The following PCCB variants were observed in gnomAD, a reference collection of about 807,000 sequenced individuals.
PCCB encodes propionyl-CoA carboxylase subunit beta.
PCCB carries 43 observed loss-of-function variants against 60.7 expected under a neutral mutation model. The ratio of observed to expected loss-of-function variants is 0.71; its 90% confidence interval spans 0.55 to 0.91. PCCB has a LOEUF of 0.91. Ranked by LOEUF, PCCB falls within the 40% of genes least tolerant of loss-of-function variation. The pLI is 0.00. For missense variants in PCCB, 766 were observed against 702.8 expected (o/e 1.09, Z -1.02); for synonymous variants, 276 against 255.9 (o/e 1.08, Z -0.75).
intron 9 of PCCB, among the ~76,000 whole-genome samples, chr3:136,310,791 A>G (rs539496639): frequency 6.6e-6 from 1 of 152,330 alleles, no homozygotes; most frequent in East Asian, 1.9e-4. Flanking sequence ...GATTGGTTCT[A>G]GGAAACTCAA....
At chr3:136,262,812 A>G (rs1941861532) in intron 5 of PCCB, among the ~76,000 whole-genome samples, 1 of 152,204 alleles carries the variant, frequency 6.6e-6, no homozygotes, top group African/African-American at 2.4e-5. Flanking sequence ...GCTTGGCCTA[A>G]GCAGTTTAGG....
intron 9 of PCCB, among the ~76,000 whole-genome samples, chr3:136,307,637 A>G (rs1450813828): frequency 1.3e-5 from 2 of 152,024 alleles, no homozygotes; most frequent in East Asian, 3.8e-4. Flanking sequence ...AAAATAAAAA[A>G]AAAGGTAAAA....
intron 5 of PCCB, among the ~76,000 whole-genome samples, chr3:136,263,054 A>G (rs1941869911): frequency 6.7e-6 from 1 of 148,614 alleles, no homozygotes; most frequent in Non-Finnish European, 1.5e-5. Flanking sequence ...TCCTGGGCTC[A>G]AGTGATTCTC....
chr3:136,255,037 C>T (rs1479266772), intron 1 of PCCB, among the ~76,000 whole-genome samples: 1 of 152,028 alleles, frequency 6.6e-6, no homozygotes, highest in African/African-American at 2.4e-5. Flanking sequence ...CCACCACACC[C>T]GGCTTATTTT....
intron 5 of PCCB, among the ~76,000 whole-genome samples, chr3:136,270,059 G>T (rs1266231509): frequency 4.6e-5 from 6 of 129,956 alleles, no homozygotes; most frequent in African/African-American, 1.7e-4. Flanking sequence ...CTAATTTTTT[G>T]AGTGTTTTTA....
intron 10 of PCCB, among the ~76,000 whole-genome samples, chr3:136,318,071 C>T (rs576846229): frequency 6.6e-6 from 1 of 152,234 alleles, no homozygotes; most frequent in Non-Finnish European, 1.5e-5. Flanking sequence ...GGGTGTGGTG[C>T]CTCACGCCTG....
In PCCB at chr3:136,254,550, A is replaced by G. The variant is rs1218757941; in HGVS notation, c.184-1306A>G. Among the ~76,000 whole-genome samples the G allele has an allele frequency of 5.2e-5, 2 of 38,154 alleles. 1 individual carries two copies. Among genetic ancestry groups the G allele is most frequent in the Non-Finnish European group, 9.6e-5 (2 of 20,810 alleles). The allele number at this position is 38,154 out of a possible 152,430, so 25.0% of individuals were successfully genotyped here. ...TTTTTTTTTTTTTTTTTTTTTTTTAAAAGACAGGTTCTCGCTTTGTTGCTC... is the reference window on the plus strand; with the variant it reads ...TTTTTTTTTTTTTTTTTTTTTTTTAGAAGACAGGTTCTCGCTTTGTTGCTC... On this transcript the variant is annotated intron_variant, in intron 1 of 14. Coordinates refer to ENST00000251654, the MANE Select transcript of PCCB (RefSeq NM_000532.5).
At chr3:136,279,613 A>G in intron 5 of PCCB, among the ~76,000 whole-genome samples, 1 of 152,078 alleles carries the variant, frequency 6.6e-6, no homozygotes, top group East Asian at 1.9e-4. Context: ...TATACATGTT[A>G]TACTCATTAA....
intron 6 of PCCB, among the ~76,000 whole-genome samples, chr3:136,288,214 A>C (rs1933510913): frequency 1.3e-5 from 2 of 152,218 alleles, no homozygotes; most frequent in African/African-American, 4.8e-5. Context: ...TGAATGTTCC[A>C]TGGGAGCTTG....
At chr3:136,290,671 G>GTTTTTTTTTGTTTTTTTTTTTT (rs1933638476) in intron 6 of PCCB, among the ~76,000 whole-genome samples, 2 of 60,050 alleles carry the variant, frequency 3.3e-5, no homozygotes, top group Non-Finnish European at 5.4e-5. Flanking sequence ...TCTCTGTGTA[G>GTTTTTTTTTGTTTTTTTTTTTT]TTTTTTTTTT....
chr3:136,325,106 T>G (rs577731200), intron 10 of PCCB, among the ~76,000 whole-genome samples: 1 of 152,270 alleles, frequency 6.6e-6, no homozygotes, highest in Non-Finnish European at 1.5e-5. Flanking sequence ...GCCAGGCTGG[T>G]CTTGAACTCC....
chr3:136,318,342 A>G (rs560117453), intron 10 of PCCB, among the ~76,000 whole-genome samples: 1 of 152,302 alleles, frequency 6.6e-6, no homozygotes, highest in Non-Finnish European at 1.5e-5. Context: ...GTGAGCCGAG[A>G]TCACGCCACT....
intron 5 of PCCB, among the ~76,000 whole-genome samples, chr3:136,273,655 T>C (rs1463624928): frequency 1.4e-5 from 2 of 141,864 alleles, no homozygotes; most frequent in South Asian, 2.3e-4. Flanking sequence ...TTGTCTGATA[T>C]AAGAATAGCT....
At chr3:136,280,444 C>T (rs748242142) in intron 5 of PCCB, among the ~76,000 whole-genome samples, 1 of 152,100 alleles carries the variant, frequency 6.6e-6, no homozygotes, top group African/African-American at 2.4e-5. Context: ...CTGCCAGGCT[C>T]AAATGATTCT....
At chr3:136,269,346 A>G (rs574294933) in intron 5 of PCCB, among the ~76,000 whole-genome samples, 1 of 152,236 alleles carries the variant, frequency 6.6e-6, no homozygotes, top group Non-Finnish European at 1.5e-5. Flanking sequence ...TTGCAAATGT[A>G]TAGAGATACA....
chr3:136,317,647 T>TC (rs575803989), intron 10 of PCCB, among the ~76,000 whole-genome samples: 2 of 152,092 alleles, frequency 1.3e-5, no homozygotes, highest in Non-Finnish European at 2.9e-5. Context: ...AGTTTTCTGT[T>TC]CCCCCCTACC....
At chr3:136,274,781 A>G (rs1418896760) in intron 5 of PCCB, among the ~76,000 whole-genome samples, 2 of 151,034 alleles carry the variant, frequency 1.3e-5, no homozygotes, top group Non-Finnish European at 3.0e-5. Context: ...TGGTTGTTTT[A>G]CATAATCCCA....
intron 4 of PCCB, 55 bp downstream of exon 4, chr3:136,260,590 T>C: frequency 1.4e-6 from 2 of 1,400,692 alleles, no homozygotes; most frequent in Non-Finnish European, 2.0e-6. Context: ...ACATAGTGCT[T>C]ATTGAGTATC....
At chr3:136,266,447 G>A (rs1365416260) in intron 5 of PCCB, among the ~76,000 whole-genome samples, 1 of 151,682 alleles carries the variant, frequency 6.6e-6, no homozygotes, top group East Asian at 1.9e-4. Flanking sequence ...TTTGAGACAG[G>A]GTCTCACTCT....
Sources: gnomAD v4.1 joint callset for allele counts (sites outside exome capture counted in the v4.1 genomes callset) on GRCh38, gnomAD v4.1.1 for gene constraint, MANE v1.5 for transcripts, NCBI Gene and HGNC (gene_info 2026-07-23, HGNC 2026-07-21) for gene names.